Variants in FAM107A observed in about 807,000 individuals in gnomAD.
FAM107A encodes actin-associated protein FAM107A.
In FAM107A, 19 loss-of-function variants were observed where a neutral mutation model predicts 13.7. The ratio of observed to expected loss-of-function variants is 1.38; its 90% CI spans 0.97 to 2.03. The LOEUF is 2.03. Ranked by LOEUF, FAM107A falls within the 30% of genes most tolerant of loss-of-function variation. The probability of loss-of-function intolerance (pLI) is 0.00; values close to 1 mark genes in which losing one functional copy is unlikely to be tolerated. For synonymous variants in FAM107A, 82 were observed against 74.5 expected, an observed-to-expected ratio of 1.10 and a Z score of -0.52; for missense variants, 203 against 184.4, an observed-to-expected ratio of 1.10 and a Z score of -0.58.
chr3:58,595,837 G>A (rs377182160), intron 1 of FAM107A, among the ~76,000 whole-genome samples: 11 of 152,308 alleles, frequency 7.2e-5, no homozygotes, highest in African/African-American at 2.2e-4. Flanking sequence ...CCCTTCAATG[G>A]TTGGCATTTG....
chr3:58,567,866 A>T (rs1401352394), intron 2 of FAM107A, among the ~76,000 whole-genome samples: 2 of 152,120 alleles, frequency 1.3e-5, no homozygotes, highest in Non-Finnish European at 2.9e-5. Context: ...TTGTTTCTTT[A>T]TTAGTCACAT....
intron 1 of FAM107A, among the ~76,000 whole-genome samples, chr3:58,603,123 G>A (rs2065766059): frequency 6.6e-6 from 1 of 152,008 alleles, no homozygotes; most frequent in Non-Finnish European, 1.5e-5. Context: ...TTGTTATATT[G>A]GTTTAGGAAA....
At chr3:58,606,598 A>G (rs557443527) in intron 1 of FAM107A, among the ~76,000 whole-genome samples, 14 of 152,368 alleles carry the variant, frequency 9.2e-5, no homozygotes, top group African/African-American at 3.4e-4. Context: ...TGTGAATACA[A>G]GAGGCCCTGC....
upstream of FAM107A, among the ~76,000 whole-genome samples, chr3:58,591,433 G>A (rs932943840): frequency 6.6e-6 from 1 of 152,134 alleles, no homozygotes; most frequent in African/African-American, 2.4e-5. The surrounding 1 kb of genome is among the most constrained non-coding windows in gnomAD (Gnocchi z 4.3). Context: ...AGGTCAGGGT[G>A]GCCGAAGTGG....
chr3:58,619,871 G>A (rs1437696077), intron 1 of FAM107A, among the ~76,000 whole-genome samples: 1 of 152,188 alleles, frequency 6.6e-6, no homozygotes, highest in African/African-American at 2.4e-5. Context: ...ATGTGTGTGT[G>A]GTGGGGAGGT....
intron 1 of FAM107A, among the ~76,000 whole-genome samples, chr3:58,625,767 C>A (rs1024998802): frequency 1.3e-5 from 2 of 152,216 alleles, no homozygotes; most frequent in Admixed American, 6.5e-5. Flanking sequence ...AGGCTGCAAC[C>A]CTTTATGAGA....
intron 1 of FAM107A, chr3:58,627,059 GT>G (rs912701638): frequency 6.8e-5 from 101 of 1,495,554 alleles, no homozygotes; most frequent in Admixed American, 2.2e-4. Context: ...CCCTGCTGGC[GT>G]TGATCTCAGG....
intron 1 of FAM107A, among the ~76,000 whole-genome samples, chr3:58,592,422 C>T (rs1354308688): frequency 6.6e-6 from 1 of 152,140 alleles, no homozygotes; most frequent in South Asian, 2.1e-4. Flanking sequence ...ACTCACATGC[C>T]CCGAGTCAGG....
intron 1 of FAM107A, among the ~76,000 whole-genome samples, chr3:58,605,110 T>A (rs1264021652): frequency 1.3e-5 from 2 of 152,228 alleles, no homozygotes. Flanking sequence ...TTAGGCTTTG[T>A]TATGCAGCTC....
chr3:58,591,435 C>G (rs1052883866), upstream of FAM107A, among the ~76,000 whole-genome samples: 6 of 152,198 alleles, frequency 3.9e-5, no homozygotes, highest in African/African-American at 1.4e-4. The surrounding 1 kb of genome is among the most constrained non-coding windows in gnomAD (Gnocchi z 4.3). Flanking sequence ...GTCAGGGTGG[C>G]CGAAGTGGAG....
intron 1 of FAM107A, chr3:58,608,910 A>G (rs1398445825): frequency 1.3e-5 from 2 of 152,208 alleles, no homozygotes; most frequent in Non-Finnish European, 2.9e-5. Flanking sequence ...TTCTTTTATT[A>G]ATGAATAAGC....
chr3:58,619,590 C>T (rs970315486), intron 1 of FAM107A, among the ~76,000 whole-genome samples: 1 of 152,220 alleles, frequency 6.6e-6, no homozygotes, highest in Admixed American at 6.5e-5. Context: ...TTTTACCTCT[C>T]GGCCTCGTGG....
intron 1 of FAM107A, among the ~76,000 whole-genome samples, chr3:58,625,979 C>T (rs1352145511): frequency 1.3e-5 from 2 of 152,212 alleles, no homozygotes; most frequent in African/African-American, 4.8e-5. Flanking sequence ...GAGCACTTCA[C>T]AGGCATCATC....
upstream of FAM107A, among the ~76,000 whole-genome samples, chr3:58,589,767 A>G (rs1305191784): frequency 6.6e-6 from 1 of 152,202 alleles, no homozygotes; most frequent in East Asian, 1.9e-4. Context: ...CCAGACTACT[A>G]CGTCACATTC....
At position 58,627,059 on chromosome 3, in the gene FAM107A, G is replaced by A. The variant is rs184193660; in HGVS notation, c.-70+357C>T. 143 of 1,495,672 alleles carry A rather than the reference G, an allele frequency of 9.6e-5. No individual in the cohort carries two copies. In the African/African-American group the frequency reaches 9.9e-4, roughly 10 times the overall value. The allele number at this position is 1,495,672 out of a possible 1,614,324, so 92.7% of individuals were successfully genotyped here. On this transcript the variant is annotated intron_variant, in intron 1 of 3. Coordinates refer to the FAM107A transcript ENST00000465970. ...CCAGGCTGGGGTCCTCCCTGCTGGC[G>A]TTGATCTCAGGAGCCAGGACCCAAG... is the stretch of plus-strand genomic sequence containing the variant.
In FAM107A at chr3:58,617,641, T is replaced by C. The variant is rs907148202; in HGVS notation, c.-70+9775A>G. On this transcript the variant is annotated intron_variant, in intron 1 of 3. Transcript: ENST00000465970. This position sits in a 1 kb window ranked among gnomAD's most constrained non-coding sequence, Gnocchi z 4.5. Reference sequence around the variant, plus strand: ...GGGCCCAGGGAGGGAGCTGCGTTTTTGGGTTTCTGCCTGCGAGAAAACCGG... The same window carrying C: ...GGGCCCAGGGAGGGAGCTGCGTTTTCGGGTTTCTGCCTGCGAGAAAACCGG... 1.3e-5 allele frequency among the ~76,000 whole-genome samples: 2 copies of C among 152,146 alleles called. No homozygotes were observed. The highest frequency in any genetic ancestry group is 4.1e-4 in the South Asian group (2 of 4,830).
rs1214533118 is a variant in FAM107A, at chr3:58,569,360, A to T, written c.170+331T>A. Among the ~76,000 whole-genome samples, 1 of 152,144 alleles carries T rather than the reference A, an allele frequency of 6.6e-6. No individual in the cohort carries two copies. The highest frequency in any genetic ancestry group is 1.5e-5 in the Non-Finnish European group (1 of 68,020). On this transcript the variant is annotated intron_variant, in intron 2 of 3. Transcript: ENST00000360997. This position sits in a 1 kb window ranked among gnomAD's most constrained non-coding sequence, Gnocchi z 5.7. ...TATGCACCCGTCCCTGTCTGTGAGGACAGGAACTGGGTCCCATTCATTCTT... is the reference window on the plus strand; with the variant it reads ...TATGCACCCGTCCCTGTCTGTGAGGTCAGGAACTGGGTCCCATTCATTCTT...
chr3:58,573,042 C>A (rs6798348), intron 1 of FAM107A, among the ~76,000 whole-genome samples: 110,659 of 147,806 alleles, frequency 0.75, 42,424 homozygotes, highest in East Asian at 1. Context: ...TGCTCCAGGC[C>A]TTAAAAAAAA....
intron 1 of FAM107A, among the ~76,000 whole-genome samples, chr3:58,615,149 C>A (rs1223763374): frequency 6.6e-6 from 1 of 152,218 alleles, no homozygotes; most frequent in African/African-American, 2.4e-5. Context: ...CTAGATGTTT[C>A]TTAAAGCCAA....
Sources: allele counts gnomAD v4.1 joint callset (sites outside exome capture counted in the v4.1 genomes callset), GRCh38; gene constraint gnomAD v4.1.1; non-coding constraint Gnocchi (gnomAD v3.1); transcripts MANE v1.5; gene names NCBI Gene and HGNC (gene_info 2026-07-23, HGNC 2026-07-21).